PANK2: variants seen among roughly 807,000 people sequenced by gnomAD.
PANK2 encodes pantothenate kinase 2, mitochondrial.
A neutral mutation model predicts 43.1 loss-of-function variants in PANK2; 36 were observed. The observed-to-expected ratio is 0.84, with a 90% CI of 0.64 to 1.10. The LOEUF is 1.10. PANK2 is among the 50% of genes least tolerant of loss of function. PANK2 has a pLI of 0.00. For synonymous variants in PANK2, 281 were observed against 238.2 expected (o/e 1.18, Z -1.66); for missense variants, 576 against 593.3 (o/e 0.97, Z 0.30).
At chr20:3,900,083 C>CTGCTAGTATTGTATCTGCT (rs1303718645) in intron 1 of PANK2, among the ~76,000 whole-genome samples, 2 of 151,582 alleles carry the variant, frequency 1.3e-5, no homozygotes, top group African/African-American at 4.8e-5. Context: ...GTTGTTTGGT[C>CTGCTAGTATTGTATCTGCT]TGCTAGTATT....
chr20:3,917,913 T>C (rs1245972986), intron 5 of PANK2, among the ~76,000 whole-genome samples: 13 of 152,246 alleles, frequency 8.5e-5, no homozygotes, highest in Admixed American at 8.5e-4. Flanking sequence ...TACTTAAATA[T>C]ACATTTCATG....
chr20:3,891,363 C>CA (rs1332602082), intron 1 of PANK2: 2 of 152,130 alleles, frequency 1.3e-5, no homozygotes, highest in African/African-American at 4.8e-5. Flanking sequence ...CCCGACCTGG[C>CA]AGTCGTCTAC....
At chr20:3,894,050 G>T (rs1320242527) in intron 1 of PANK2, among the ~76,000 whole-genome samples, 2 of 150,150 alleles carry the variant, frequency 1.3e-5, no homozygotes, top group African/African-American at 4.9e-5. Flanking sequence ...TCCTGCCTCA[G>T]ACTCGCAAGT....
chr20:3,901,987 G>C (rs1362443714), intron 1 of PANK2, among the ~76,000 whole-genome samples: 1 of 151,786 alleles, frequency 6.6e-6, no homozygotes, highest in African/African-American at 2.4e-5. Context: ...TTTTCCTTAT[G>C]ATATCTTGAA....
upstream of PANK2, chr20:3,889,060 G>GT (rs1491363689): frequency 1.4e-6 from 2 of 1,480,568 alleles, no homozygotes; most frequent in Admixed American, 2.1e-5. Flanking sequence ...GGCCCGGGGG[G>GT]GCAGAGGCAT....
chr20:3,894,848 G>C (rs1487339049), intron 1 of PANK2, among the ~76,000 whole-genome samples: 2 of 152,172 alleles, frequency 1.3e-5, no homozygotes, highest in African/African-American at 4.8e-5. Flanking sequence ...CCCTTATGCA[G>C]CTGTGTAAAA....
chr20:3,894,488 C>T (rs1318197856), intron 1 of PANK2, among the ~76,000 whole-genome samples: 1 of 151,724 alleles, frequency 6.6e-6, no homozygotes, highest in Non-Finnish European at 1.5e-5. Context: ...GATCTGCCCA[C>T]CTCAGCCTCC....
In PANK2 at chr20:3,923,554, C is replaced by T. The variant is rs547063853; in HGVS notation, c.*260C>T. On this transcript the variant is annotated 3_prime_UTR_variant, in exon 7 of 7. Transcript: ENST00000610179. ...GGATTTGCTGTATATAAGTTGCCTG[C>T]TTTGTATTTTTGAAATCTCTGCATC... The T allele has an allele frequency of 1.9e-6, 1 of 540,482 alleles. No individual in the cohort carries two copies. The allele number at this position is 540,482 out of a possible 1,614,324, so 33.5% of individuals were successfully genotyped here. A position where few individuals can be genotyped will look rare whatever the true frequency, so the allele number is the denominator to read the frequency against.
At chr20:3,917,292 G>A (rs1044530304) in intron 5 of PANK2, among the ~76,000 whole-genome samples, 1 of 151,996 alleles carries the variant, frequency 6.6e-6, no homozygotes. Flanking sequence ...AGTAGAGGAA[G>A]AGTGGAAGGT....
At chr20:3,920,674 GTC>G (rs2090632357) in intron 6 of PANK2, among the ~76,000 whole-genome samples, 1 of 152,048 alleles carries the variant, frequency 6.6e-6, no homozygotes, top group East Asian at 1.9e-4. Context: ...GAGAAGCCCT[GTC>G]TCTACAAAAA....
rs568805187 is a variant in PANK2, at chr20:3,894,231, G to A, written c.298+4503G>A. On this transcript the variant is annotated intron_variant, in intron 1 of 6. Transcript: ENST00000610179. ...CAGGTGTGAGCCACCGTGCCTGACCGAAAAGATGTTGTTTGTTTGTTTGTT... is the reference window on the plus strand; with the variant it reads ...CAGGTGTGAGCCACCGTGCCTGACCAAAAAGATGTTGTTTGTTTGTTTGTT... Among the ~76,000 whole-genome samples, 5 of 127,444 alleles carry A rather than the reference G, an allele frequency of 3.9e-5. 1 individual carries two copies. In the South Asian group the frequency reaches 1.0e-3, roughly 26 times the overall value. The allele number at this position is 127,444 out of a possible 152,430, so 83.6% of individuals were successfully genotyped here.
intron 5 of PANK2, 152 bp from the exon 6 acceptor site, chr20:3,918,519 C>A: frequency 1.0e-6 from 1 of 990,808 alleles, no homozygotes; most frequent in Non-Finnish European, 1.6e-6. Flanking sequence ...GTCTGGGGAT[C>A]AAGTTTAAGT....
rs1170840414 is a variant in PANK2 at position 3,924,651 on chromosome 20, G to T, written c.*1357G>T. 6.5e-6 allele frequency: 1 copy of T among 152,994 alleles called. No individual in the cohort carries two copies. Among genetic ancestry groups the T allele is most frequent in the Admixed American group, 6.5e-5 (1 of 15,292 alleles). The allele number at this position is 152,994 out of a possible 1,614,324, so 9.5% of individuals were successfully genotyped here. A position where few individuals can be genotyped will look rare whatever the true frequency, so the allele number is the denominator to read the frequency against. ...AATTTTGTCCCCTGGAGAGTGATTG[G>T]TGACCCTCTTCCCTGCTGCTGCTGT... On this transcript the variant is annotated 3_prime_UTR_variant, in exon 7 of 7. Transcript: ENST00000610179.
rs765767922 is a variant in PANK2 at position 3,889,609 on chromosome 20, C to A, written c.179C>A (p.Ala60Glu). ...CCACTGCGGCGCCGGGCGAGCAGCG[C>A]GTCGGTGCCCGCGGTCGGGGCCTCG... The change falls in exon 1 of 7, where the codon GCG (alanine) becomes GAG (glutamate). Residue 60 changes from alanine to glutamate, a missense_variant. Transcript: ENST00000610179. The A allele has an allele frequency of 3.3e-6, 5 of 1,530,842 alleles. No individual in the cohort carries two copies. Among genetic ancestry groups the A allele is most frequent in the African/African-American group, 2.8e-5 (2 of 70,440 alleles). The allele number at this position is 1,530,842 out of a possible 1,614,324, so 94.8% of individuals were successfully genotyped here. A position where few individuals can be genotyped will look rare whatever the true frequency, so the allele number is the denominator to read the frequency against.
chr20:3,911,261 T>C (rs1231056129), intron 3 of PANK2, among the ~76,000 whole-genome samples: 2 of 152,132 alleles, frequency 1.3e-5, no homozygotes, highest in East Asian at 1.9e-4. Context: ...TACTGATCAG[T>C]AGAAAAATTA....
intron 1 of PANK2, among the ~76,000 whole-genome samples, chr20:3,905,447 T>C (rs4813650): frequency 0.52 from 77,843 of 150,102 alleles, 20,534 homozygotes; most frequent in East Asian, 0.66. Context: ...CCCGGGTTCA[T>C]GCCATTCTCC....
rs1011749270 is a variant in PANK2 at position 3,929,609 on chromosome 20, C to G, written c.*6315C>G. 1 of 152,470 alleles carries G rather than the reference C, an allele frequency of 6.6e-6. No homozygotes were observed. The highest frequency in any genetic ancestry group is 1.5e-5 in the Non-Finnish European group (1 of 68,222). The allele number at this position is 152,470 out of a possible 1,614,324, so 9.4% of individuals were successfully genotyped here. A position where few individuals can be genotyped will look rare whatever the true frequency, so the allele number is the denominator to read the frequency against. ...CAACAGTTGCAGCCACACATCACCACTGGTCCTCACTTGGAACTGGCCAAG... is the reference window on the plus strand; with the variant it reads ...CAACAGTTGCAGCCACACATCACCAGTGGTCCTCACTTGGAACTGGCCAAG... On this transcript the variant is annotated 3_prime_UTR_variant, in exon 7 of 7. Coordinates refer to ENST00000610179, the MANE Select transcript of PANK2 (RefSeq NM_001386393.1).
At position 3,902,972 on chromosome 20, in the gene PANK2, GACACACACACAC is replaced by G. The variant is rs11468265; in HGVS notation, c.299-4919_299-4908del. ...CCATGAGTTTCGACAGATGTGTATAGACACACACACACACACACACACACACACACACACACA... is the reference window on the plus strand; with the variant it reads ...CCATGAGTTTCGACAGATGTGTATAGACACACACACACACACACACACACA... On this transcript the variant is annotated intron_variant, in intron 1 of 6. Transcript: ENST00000610179. Among the ~76,000 whole-genome samples, 385 of 141,432 alleles carry G rather than the reference GACACACACACAC, an allele frequency of 2.7e-3. 2 individuals are homozygous for G. The highest frequency in any genetic ancestry group is 4.2e-3 in the African/African-American group (158 of 37,438). The allele number at this position is 141,432 out of a possible 152,430, so 92.8% of individuals were successfully genotyped here. A position where few individuals can be genotyped will look rare whatever the true frequency, so the allele number is the denominator to read the frequency against.
chr20:3,916,821 C>A, intron 4 of PANK2, 106 bp from the exon 5 acceptor site: 7 of 1,496,224 alleles, frequency 4.7e-6, no homozygotes, highest in Non-Finnish European at 6.4e-6. Flanking sequence ...AAGATTTCAA[C>A]AATGTTGCCC....
Sources: allele counts gnomAD v4.1 joint callset (sites outside exome capture counted in the v4.1 genomes callset), GRCh38; gene constraint gnomAD v4.1.1; transcripts MANE v1.5; gene names NCBI Gene and HGNC (gene_info 2026-07-23, HGNC 2026-07-21).